SBNO2: variants seen among roughly 807,000 people sequenced by gnomAD.
The protein encoded by SBNO2 is strawberry notch homolog 2, also known as protein strawberry notch homolog 2.
SBNO2 carries 89 observed loss-of-function variants against 146.3 expected under a neutral mutation model. The ratio of observed to expected loss-of-function variants is 0.61; its 90% CI spans 0.51 to 0.73. The LOEUF is 0.73. SBNO2 is among the 30% of genes least tolerant of loss of function. The pLI is 0.00. For synonymous variants in SBNO2, 1,147 were observed against 892.6 expected (o/e 1.29, Z -5.08); for missense variants, 2,092 against 2,003.7 (o/e 1.04, Z -0.84).
At position 1,122,230 on chromosome 19, in the gene SBNO2, G is replaced by C. The variant is rs2079909464; in HGVS notation, c.1058C>G (p.Ser353Cys). ...TSEGVLFATY[S>C]ALIGESQAGG... ...GGCCTGGCTCTCCCCAATCAGGGCG[G>C]AGTAGGTGGCGAAGAGGACGCCCTC... Residue 353 changes from serine (S) to cysteine (C), a missense_variant, in exon 11 of 32, where the codon TCC becomes TGC. Coordinates refer to ENST00000361757, the MANE Select transcript of SBNO2 (RefSeq NM_014963.3). The C allele has an allele frequency of 2.5e-6, 4 of 1,577,926 alleles. No individual in the cohort carries two copies. The highest frequency in any genetic ancestry group is 3.4e-6 in the Non-Finnish European group (4 of 1,162,670).
chr19:1,134,819 G>A (rs934986332), intron 4 of SBNO2, among the ~76,000 whole-genome samples: 23 of 152,086 alleles, frequency 1.5e-4, no homozygotes, highest in African/African-American at 4.3e-4. Context: ...AGGCCGAGGT[G>A]GGTGGATCAC....
At chr19:1,131,633 AC>A (rs1400612273) in intron 4 of SBNO2, among the ~76,000 whole-genome samples, 1 of 152,050 alleles carries the variant, frequency 6.6e-6, no homozygotes, top group Non-Finnish European at 1.5e-5. Context: ...GACCAGGCCC[AC>A]CCAGCCTCCG....
chr19:1,159,402 G>A (rs1024465132), intron 1 of SBNO2, among the ~76,000 whole-genome samples: 1 of 144,506 alleles, frequency 6.9e-6, no homozygotes, highest in African/African-American at 2.6e-5. Flanking sequence ...AAGGGCTGGA[G>A]CCAAGGGAGG....
At chr19:1,141,905 G>A (rs2080140891) in intron 4 of SBNO2, among the ~76,000 whole-genome samples, 1 of 152,076 alleles carries the variant, frequency 6.6e-6, no homozygotes. Context: ...TCACAGGCGT[G>A]AGCCACCGTG....
intron 17 of SBNO2, 114 bp from the exon 18 acceptor site, chr19:1,114,536 C>T (rs2079808544): frequency 7.1e-6 from 6 of 849,436 alleles, no homozygotes; most frequent in East Asian, 3.0e-5. Flanking sequence ...GAGGTCCATC[C>T]GAGAACCCCC....
intron 4 of SBNO2, among the ~76,000 whole-genome samples, chr19:1,146,078 C>T (rs1009779143): frequency 1.3e-5 from 2 of 152,178 alleles, no homozygotes; most frequent in Non-Finnish European, 2.9e-5. Context: ...CCAGCCCCGG[C>T]CTCCAGCGTG....
intron 24 of SBNO2, 80 bp downstream of exon 24, chr19:1,111,426 C>T: frequency 1.0e-6 from 1 of 998,626 alleles, no homozygotes; most frequent in Non-Finnish European, 1.5e-6. Context: ...GCCTACAAAG[C>T]CTGCTGCCCC....
At position 1,112,691 on chromosome 19, in the gene SBNO2, C is replaced by T. The variant is rs933214546; in HGVS notation, c.2379+127G>A. 1.4e-6 allele frequency: 2 copies of T among 1,437,556 alleles called. No individual in the cohort carries two copies. The highest frequency in any genetic ancestry group is 1.8e-6 in the Non-Finnish European group (2 of 1,089,434). The allele number at this position is 1,437,556 out of a possible 1,614,324, so 89.1% of individuals were successfully genotyped here. On this transcript the variant is annotated intron_variant, in intron 20 of 31. Coordinates refer to ENST00000361757, the MANE Select transcript of SBNO2 (RefSeq NM_014963.3). The surrounding 1 kb of genome is among the most constrained non-coding windows in gnomAD (Gnocchi z 5.9). Reference sequence around the variant, plus strand: ...GCGCGGACACCACCCGCCACACGGCCACTCGCGCCCGCACCTGGCACACAC... The same window carrying T: ...GCGCGGACACCACCCGCCACACGGCTACTCGCGCCCGCACCTGGCACACAC...
Position 1,157,438 on chromosome 19 carries a change from C to T in SBNO2, c.-126-3036G>A, listed in dbSNP as rs921519924. 7.2e-4 allele frequency among the ~76,000 whole-genome samples: 110 copies of T among 152,106 alleles called. No individual in the cohort carries two copies. Among genetic ancestry groups the T allele is most frequent in the Non-Finnish European group, 2.5e-4 (17 of 68,014 alleles). On this transcript the variant is annotated intron_variant, in intron 1 of 31. Coordinates refer to ENST00000361757, the MANE Select transcript of SBNO2 (RefSeq NM_014963.3). This position sits in a 1 kb window ranked among gnomAD's most constrained non-coding sequence, Gnocchi z 6.8. ...CGGAGACCCTCTCCCCACGCGGCCC[C>T]GGTGACACGGCCCACCCCGAGCCTC...
Position 1,114,439 on chromosome 19 carries a change from G to A in SBNO2, c.1886-17C>T. 6.7e-7 allele frequency: 1 copy of A among 1,502,036 alleles called. No homozygotes were observed. The highest frequency in any genetic ancestry group is 1.4e-5 in the African/African-American group (1 of 71,948). The allele number at this position is 1,502,036 out of a possible 1,614,324, so 93.0% of individuals were successfully genotyped here. On this transcript the variant is annotated splice_polypyrimidine_tract_variant and intron_variant, in intron 17 of 31. Coordinates refer to ENST00000361757, the MANE Select transcript of SBNO2 (RefSeq NM_014963.3). ...GAGGTCGCCCTGCAGGGAAGGACAG[G>A]GTCACCGAGGGCCAGACCGCAGCAA... is the stretch of plus-strand genomic sequence containing the variant.
In SBNO2 at chr19:1,112,642, C is replaced by T. The variant is rs949634771; in HGVS notation, c.2380-105G>A. 50 of 1,458,274 alleles carry T rather than the reference C, an allele frequency of 3.4e-5. No individual in the cohort carries two copies. In the South Asian group the frequency reaches 5.7e-4, roughly 16 times the overall value. The allele number at this position is 1,458,274 out of a possible 1,614,324, so 90.3% of individuals were successfully genotyped here. The stretch of plus-strand genomic sequence containing the variant: ...CCCCGCTCCAGGTCACCAGGACGTC[C>T]CGGGGCAGCGAGAGGCCTGCGGGGC... On this transcript the variant is annotated intron_variant, in intron 20 of 31. Transcript: ENST00000361757. This position sits in a 1 kb window ranked among gnomAD's most constrained non-coding sequence, Gnocchi z 5.9.
Position 1,117,304 on chromosome 19 carries a change from G to A in SBNO2, c.1704+19C>T, listed in dbSNP as rs201821645. On this transcript the variant is annotated intron_variant, in intron 15 of 31. Transcript: ENST00000361757. ...GCAGGCCCGGCCGCCCTCAGCCCTCGAAGGCCGCAGCCGCTCACCTTGTCT... is the reference window on the plus strand; with the variant it reads ...GCAGGCCCGGCCGCCCTCAGCCCTCAAAGGCCGCAGCCGCTCACCTTGTCT... 1.3e-6 allele frequency: 2 copies of A among 1,549,752 alleles called. No homozygotes were observed. The highest frequency in any genetic ancestry group is 1.4e-5 in the African/African-American group (1 of 73,014).
At chr19:1,111,399 C>T in intron 24 of SBNO2, 107 bp downstream of exon 24, 1 of 801,172 alleles carries the variant, frequency 1.2e-6, no homozygotes, top group South Asian at 1.6e-5. Flanking sequence ...GGGGAGGGGT[C>T]ACTCAACACA....
rs983934793 is a variant in SBNO2 at position 1,123,017 on chromosome 19, G to A, written c.657C>T (p.Arg219=). The A allele has an allele frequency of 3.3e-5, 53 of 1,589,988 alleles. No homozygotes were observed. The highest frequency in any genetic ancestry group is 4.0e-5 in the Non-Finnish European group (47 of 1,168,904). ...KSKIGKQHPD[R]VVETSTLSSV... is the part of the protein sequence containing the mutation. ...TGGACAGTGTGCTGGTCTCCACCAC[G>A]CGGTCTGGGTGCTGCTTCCCGATCT... is the stretch of plus-strand genomic sequence containing the variant. The change falls in exon 8 of 32, where the codon CGC becomes CGT. Residue 219 remains arginine, a synonymous_variant. Transcript: ENST00000361757.
At chr19:1,161,908 G>GC in intron 1 of SBNO2, among the ~76,000 whole-genome samples, 2 of 89,832 alleles carry the variant, frequency 2.2e-5, no homozygotes, top group Admixed American at 1.0e-4. Flanking sequence ...GGGAGCCGCG[G>GC]GGGGGGGGGG....
At chr19:1,143,136 C>T (rs756799070) in intron 4 of SBNO2, among the ~76,000 whole-genome samples, 8 of 152,174 alleles carry the variant, frequency 5.3e-5, no homozygotes, top group Non-Finnish European at 8.8e-5. Context: ...TGGCTTTGAA[C>T]GGTGCCTCCG....
chr19:1,112,130 G>C lies in SBNO2; in HGVS notation c.2628+59C>G, dbSNP rs62131216. ...GGTCTGGCCTCTAGCACCCCACAAA[G>C]CTTTGGAGAGCCTTCCTGGGCCTGT... On this transcript the variant is annotated intron_variant, in intron 22 of 31. Transcript: ENST00000361757. The surrounding 1 kb of genome is among the most constrained non-coding windows in gnomAD (Gnocchi z 5.9). The C allele has an allele frequency of 9.4e-6, 15 of 1,602,158 alleles. No individual in the cohort carries two copies. The highest frequency in any genetic ancestry group is 1.7e-5 in the Admixed American group (1 of 58,784).
Position 1,158,275 on chromosome 19 carries a change from T to A in SBNO2, c.-126-3873A>T, listed in dbSNP as rs1240737656. 6.6e-6 allele frequency among the ~76,000 whole-genome samples: 1 copy of A among 151,758 alleles called. No individual in the cohort carries two copies. Among genetic ancestry groups the A allele is most frequent in the East Asian group, 1.9e-4 (1 of 5,154 alleles). ...CCCTCAGACCCGAGCCGTCTGCAGA[T>A]GGGGAGCTGTGTCCTCGGAGCCCGG... On this transcript the variant is annotated intron_variant, in intron 1 of 31. Transcript: ENST00000361757. This position sits in a 1 kb window ranked among gnomAD's most constrained non-coding sequence, Gnocchi z 9.9.
At chr19:1,152,824 T>C (rs942612119) in intron 2 of SBNO2, among the ~76,000 whole-genome samples, 4 of 152,030 alleles carry the variant, frequency 2.6e-5, no homozygotes, top group Admixed American at 1.3e-4. Context: ...TCCTGCTGCT[T>C]GATAGGAGAG....
Sources: gnomAD v4.1 joint callset for allele counts (sites outside exome capture counted in the v4.1 genomes callset) on GRCh38, gnomAD v4.1.1 for gene constraint, Gnocchi (gnomAD v3.1) non-coding constraint, MANE v1.5 for transcripts, NCBI Gene and HGNC (gene_info 2026-07-23, HGNC 2026-07-21) for gene names.